The following CDH20 variants were observed in gnomAD, a reference collection of about 807,000 sequenced individuals.
CDH20 encodes the protein cadherin-20.
In CDH20, 29 loss-of-function variants were observed where a neutral mutation model predicts 74.2. That is an observed-to-expected ratio of 0.39 (90% CI 0.29 to 0.53). The LOEUF (loss-of-function observed/expected upper bound fraction) is 0.53, where lower values mean the gene tolerates loss of function less well. CDH20 is among the 20% of genes least tolerant of loss of function. The pLI, the probability that CDH20 is intolerant of heterozygous loss-of-function variation, is 0.69. For synonymous variants in CDH20, 469 were observed against 405.4 expected (o/e 1.16, Z -1.88); for missense variants, 988 against 1,048.3 (o/e 0.94, Z 0.79).
At chr18:61,527,630 T>A (rs1912475373) in intron 6 of CDH20, among the ~76,000 whole-genome samples, 1 of 152,124 alleles carries the variant, frequency 6.6e-6, no homozygotes. Context: ...AGGGGATTCC[T>A]GGGATCTCTC....
chr18:61,462,869 G>A (rs930043250), intron 1 of CDH20, among the ~76,000 whole-genome samples: 2 of 152,090 alleles, frequency 1.3e-5, no homozygotes, highest in Non-Finnish European at 2.9e-5. Context: ...TTCCTCAGGG[G>A]AAGAGATAAA....
intron 1 of CDH20, chr18:61,391,559 G>C (rs8098602): frequency 6.6e-6 from 1 of 151,978 alleles, no homozygotes; most frequent in African/African-American, 2.4e-5. Flanking sequence ...CCTGATTATG[G>C]AGATCAACAT....
At chr18:61,387,527 CA>C (rs1202534812) in intron 1 of CDH20, among the ~76,000 whole-genome samples, 1 of 152,190 alleles carries the variant, frequency 6.6e-6, no homozygotes, top group African/African-American at 2.4e-5. Context: ...CTTGACAAAA[CA>C]GTTGGAATTC....
At chr18:61,370,345 GTAATT>G (rs961648175) in intron 1 of CDH20, among the ~76,000 whole-genome samples, 1 of 152,080 alleles carries the variant, frequency 6.6e-6, no homozygotes, top group Admixed American at 6.6e-5. Context: ...CATTTCAGGT[GTAATT>G]TAATAACTTA....
At chr18:61,403,248 G>A (rs1912215857) in intron 1 of CDH20, among the ~76,000 whole-genome samples, 1 of 152,164 alleles carries the variant, frequency 6.6e-6, no homozygotes, top group Admixed American at 6.5e-5. Flanking sequence ...CTGGGATGTT[G>A]AGGAGAACGT....
intron 1 of CDH20, among the ~76,000 whole-genome samples, chr18:61,436,231 T>G (rs1908830737): frequency 6.6e-6 from 1 of 152,198 alleles, no homozygotes; most frequent in Non-Finnish European, 1.5e-5. Flanking sequence ...GCCATAAACA[T>G]TCACATACAA....
At chr18:61,475,691 T>C (rs992090475) in intron 1 of CDH20, among the ~76,000 whole-genome samples, 3 of 152,188 alleles carry the variant, frequency 2.0e-5, no homozygotes, top group African/African-American at 7.2e-5. Context: ...ATAGCATGTG[T>C]TATTGCACTA....
chr18:61,445,517 G>A lies in CDH20; in HGVS notation c.-152-44885G>A, dbSNP rs138562177. 8.3e-3 allele frequency among the ~76,000 whole-genome samples: 1,257 copies of A among 152,160 alleles called. 10 individuals carry two copies. The highest frequency in any genetic ancestry group is 0.013 in the Non-Finnish European group (873 of 68,012). On this transcript the variant is annotated intron_variant, in intron 1 of 11. Transcript: ENST00000262717. ...CCAAATGTCACAACAATCCCACAAG[G>A]TCCCATTATTCTCATTTTAAAGATA...
chr18:61,493,885 A>AT (rs1911044567), intron 2 of CDH20, among the ~76,000 whole-genome samples: 1 of 152,146 alleles, frequency 6.6e-6, no homozygotes, highest in South Asian at 2.1e-4. Flanking sequence ...CCTCCTCCCA[A>AT]GGGTAGAAAT....
chr18:61,428,578 C>G (rs780681210), intron 1 of CDH20, among the ~76,000 whole-genome samples: 15 of 152,284 alleles, frequency 9.9e-5, no homozygotes, highest in Middle Eastern at 6.8e-3. Flanking sequence ...TCAACACTGA[C>G]ACCTTGCATC....
At position 61,490,761 on chromosome 18, in the gene CDH20, G is replaced by T; in HGVS notation, c.208G>T (p.Glu70Ter). The T allele has an allele frequency of 6.2e-7, 1 of 1,614,146 alleles. No homozygotes were observed. Among genetic ancestry groups the T allele is most frequent in the Non-Finnish European group, 8.5e-7 (1 of 1,180,026 alleles). ...GGTTTGGAACCAGTTTTTCGTTCTG[G>T]AAGAGTACACTGGGACCGACCCTTT... ...SWVWNQFFVLEEYTGTDPLYV... is the reference protein window; with the variant it reads ...SWVWNQFFVL The change falls in exon 2 of 12, where the codon GAA becomes TAA. Residue 70 changes from glutamate (E) to a stop codon, truncating the protein, a stop_gained. Transcript: ENST00000262717. LOFTEE classifies it high-confidence loss of function.
chr18:61,519,520 T>G (rs543144644), intron 6 of CDH20, among the ~76,000 whole-genome samples: 1 of 151,384 alleles, frequency 6.6e-6, no homozygotes, highest in South Asian at 2.1e-4. Flanking sequence ...CCAGCCAAAC[T>G]AAGCTTCACA....
intron 1 of CDH20, among the ~76,000 whole-genome samples, chr18:61,457,831 G>A (rs530558207): frequency 1.9e-4 from 29 of 152,154 alleles, no homozygotes; most frequent in South Asian, 6.2e-4. Flanking sequence ...ACCCCACCCC[G>A]TTTTCCATCC....
rs1910387087 is a variant in CDH20, at chr18:61,353,705, T to C, written c.-153+19878T>C. On this transcript the variant is annotated intron_variant, in intron 1 of 11. Coordinates refer to ENST00000262717, the MANE Select transcript of CDH20 (RefSeq NM_031891.4). The surrounding 1 kb of genome is among the most constrained non-coding windows in gnomAD (Gnocchi z 4.6). ...AACCCACTGAGATCACTCTTGATCTTGGCCTGCACTAGCCAATACAGCAGC... is the reference window on the plus strand; with the variant it reads ...AACCCACTGAGATCACTCTTGATCTCGGCCTGCACTAGCCAATACAGCAGC... Among the ~76,000 whole-genome samples, 1 of 152,192 alleles carries C rather than the reference T, an allele frequency of 6.6e-6. No individual in the cohort carries two copies. The highest frequency in any genetic ancestry group is 1.5e-5 in the Non-Finnish European group (1 of 68,036).
At chr18:61,334,105 C>T (rs1164111769) in intron 1 of CDH20, among the ~76,000 whole-genome samples, 1 of 151,998 alleles carries the variant, frequency 6.6e-6, no homozygotes, top group African/African-American at 2.4e-5. Flanking sequence ...AGGTGGAGGA[C>T]GTGGCGCGCT....
chr18:61,438,295 G>A (rs1908903056), intron 1 of CDH20, among the ~76,000 whole-genome samples: 1 of 152,120 alleles, frequency 6.6e-6, no homozygotes, highest in South Asian at 2.1e-4. Flanking sequence ...ATGTGTGCTT[G>A]GGTATGTGGG....
intron 1 of CDH20, among the ~76,000 whole-genome samples, chr18:61,416,244 A>C (rs535561568): frequency 1.3e-5 from 2 of 152,336 alleles, no homozygotes; most frequent in Non-Finnish European, 2.9e-5. Flanking sequence ...CATTTTTAAA[A>C]ATTTCAAATG....
chr18:61,352,121 C>T (rs1188091446), intron 1 of CDH20, among the ~76,000 whole-genome samples: 2 of 152,182 alleles, frequency 1.3e-5, no homozygotes, highest in Non-Finnish European at 2.9e-5. Context: ...AAAGTCTCTT[C>T]ATTCAGGAAC....
intron 10 of CDH20, among the ~76,000 whole-genome samples, chr18:61,547,470 C>T (rs1218294649): frequency 6.6e-6 from 1 of 152,086 alleles, no homozygotes; most frequent in Non-Finnish European, 1.5e-5. Flanking sequence ...TACTTTTCAG[C>T]CCCAAAACAT....
Sources: gnomAD v4.1 joint callset for allele counts (sites outside exome capture counted in the v4.1 genomes callset) on GRCh38, gnomAD v4.1.1 for gene constraint, Gnocchi (gnomAD v3.1) non-coding constraint, MANE v1.5 for transcripts, NCBI Gene and HGNC (gene_info 2026-07-23, HGNC 2026-07-21) for gene names.